The following PTPN21 variants were observed in gnomAD, a reference collection of about 807,000 sequenced individuals.
PTPN21 encodes the protein protein tyrosine phosphatase non-receptor type 21.
Under a neutral mutation model 131.8 loss-of-function variants are expected in PTPN21, and 77 were observed. The observed-to-expected ratio is 0.58, with a 90% CI of 0.49 to 0.71. The LOEUF (loss-of-function observed/expected upper bound fraction) is 0.71. Among genes scored for constraint, PTPN21 ranks in the 30% least tolerant of loss-of-function variants. The pLI is 0.00. For synonymous variants in PTPN21, 715 were observed against 621.3 expected (o/e 1.15, Z -2.24); for missense variants, 1,552 against 1,527.1 (o/e 1.02, Z -0.27).
intron 6 of PTPN21, 68 bp downstream of exon 6, chr14:88,504,357 A>ATTTACATGATTAATATTTAT: frequency 8.4e-7 from 1 of 1,194,992 alleles, no homozygotes; most frequent in Non-Finnish European, 1.2e-6. Flanking sequence ...TAAATATTTA[A>ATTTACATGATTAATATTTAT]TTGAATATTT....
Position 88,479,246 on chromosome 14 carries a change from G to GGGGCGC in PTPN21, c.2184_2185insGCGCCC (p.Ala727_Pro728dup), listed in dbSNP as rs1325850949. On this transcript the variant is annotated inframe_insertion, in exon 13 of 19. Coordinates refer to ENST00000556564, the MANE Select transcript of PTPN21 (RefSeq NM_007039.4). ...GGCCGAGGCTCGCGCGCACGTGCAG[G>GGGGCGC]AGGCGCCCGGGCCCCGCTCTCCTCC... 1 of 1,610,658 alleles carries GGGGCGC rather than the reference G, an allele frequency of 6.2e-7. No individual in the cohort carries two copies.
rs149044111 is a variant in PTPN21 at position 88,479,555 on chromosome 14, C to A, written c.1876G>T (p.Ala626Ser). 1.9e-6 allele frequency: 3 copies of A among 1,598,558 alleles called. No individual in the cohort carries two copies. Among genetic ancestry groups the A allele is most frequent in the Non-Finnish European group, 2.5e-6 (3 of 1,178,638 alleles). Reference protein sequence around the residue: ...SLQEVSEPLTAARHAQLHKRN... With the variant: ...SLQEVSEPLTSARHAQLHKRN... ...TTGTGCAGCTGCGCGTGGCGCGCGG[C>A]GGTGAGGGGCTCGCTGACCTCCTGC... is the stretch of plus-strand genomic sequence containing the variant. Residue 626 changes from alanine (A) to serine (S), a missense_variant, in exon 13 of 19, where the codon GCC (alanine) becomes TCC (serine). Coordinates refer to ENST00000556564, the MANE Select transcript of PTPN21 (RefSeq NM_007039.4).
chr14:88,494,989 G>A (rs1297757898), intron 10 of PTPN21, among the ~76,000 whole-genome samples: 2 of 129,190 alleles, frequency 1.5e-5, no homozygotes, highest in African/African-American at 2.7e-5. Flanking sequence ...CTCCAGCCTG[G>A]GTGACAGAGC....
Position 88,469,828 on chromosome 14 carries a change from C to G in PTPN21, c.3000+94G>C, listed in dbSNP as rs779237298. The stretch of plus-strand genomic sequence containing the variant: ...ATCTGAAACAGAACCACAACCCTAC[C>G]CTGCCTTTTTCTCCACAGGTCAGGA... On this transcript the variant is annotated intron_variant, in intron 16 of 18. Coordinates refer to ENST00000556564, the MANE Select transcript of PTPN21 (RefSeq NM_007039.4). The surrounding 1 kb of genome is among the most constrained non-coding windows in gnomAD (Gnocchi z 4.3). 21 of 1,602,436 alleles carry G rather than the reference C, an allele frequency of 1.3e-5. No homozygotes were observed. Among genetic ancestry groups the G allele is most frequent in the Non-Finnish European group, 1.8e-5 (21 of 1,169,768 alleles).
Position 88,468,095 on chromosome 14 carries a change from TA to T in PTPN21, c.*41del. 1 of 1,608,862 alleles carries T rather than the reference TA, an allele frequency of 6.2e-7. No homozygotes were observed. ...AGGCAAGCGCTTTTTTTTTAAGCTGTAAACGCTTCACATGACTGGCCCCGTA... is the reference window on the plus strand; with the variant it reads ...AGGCAAGCGCTTTTTTTTTAAGCTGTAACGCTTCACATGACTGGCCCCGTA... On this transcript the variant is annotated 3_prime_UTR_variant, in exon 19 of 19. Coordinates refer to ENST00000556564, the MANE Select transcript of PTPN21 (RefSeq NM_007039.4).
chr14:88,534,872 G>A (rs2139345655), intron 2 of PTPN21, among the ~76,000 whole-genome samples: 1 of 152,212 alleles, frequency 6.6e-6, no homozygotes, highest in East Asian at 1.9e-4. Context: ...GTGAGACTCT[G>A]TCTTAAAAAA....
At chr14:88,474,436 C>A (rs1177525583) in intron 13 of PTPN21, among the ~76,000 whole-genome samples, 4 of 152,120 alleles carry the variant, frequency 2.6e-5, no homozygotes, top group African/African-American at 9.7e-5. Flanking sequence ...GCAGTGTTGG[C>A]CTCCCAAAGT....
chr14:88,497,654 C>T (rs920537910), intron 8 of PTPN21, among the ~76,000 whole-genome samples: 3 of 152,012 alleles, frequency 2.0e-5, no homozygotes, highest in Non-Finnish European at 4.4e-5. Context: ...TAGCAGGTAC[C>T]TGTAGGCCCA....
At chr14:88,511,193 A>T (rs61975276) in intron 3 of PTPN21, among the ~76,000 whole-genome samples, 20 of 151,716 alleles carry the variant, frequency 1.3e-4, no homozygotes, top group African/African-American at 4.8e-4. Context: ...TGGGATTACA[A>T]GCATGAGCTA....
Position 88,469,680 on chromosome 14 carries a change from G to T in PTPN21, c.3054C>A (p.His1018Gln). ...TAAACCTTCCATAGGTGACAGTGTT[G>T]TGCCTGGAACCAAGTCGTGGCCAGT... is the stretch of plus-strand genomic sequence containing the variant. ...FRYWPRLGSR[H>Q]NTVTYGRFKI... Residue 1018 changes from histidine to glutamine, a missense_variant, in exon 17 of 19, where the codon CAC (histidine) becomes CAA (glutamine). Around this residue, in one of 4 missense-constraint regions of PTPN21, gnomAD observed 316 missense variants for 378.5 expected, o/e 0.83. Coordinates refer to ENST00000556564, the MANE Select transcript of PTPN21 (RefSeq NM_007039.4). The surrounding 1 kb of genome is among the most constrained non-coding windows in gnomAD (Gnocchi z 4.3). 4.3e-6 allele frequency: 7 copies of T among 1,614,150 alleles called. No homozygotes were observed. The Admixed American group carries it at 1.2e-4, about 27-fold the overall frequency.
At chr14:88,554,273 C>T (rs1427172228) in intron 1 of PTPN21, among the ~76,000 whole-genome samples, 1 of 152,146 alleles carries the variant, frequency 6.6e-6, no homozygotes, top group African/African-American at 2.4e-5. Context: ...AAAAACAAAC[C>T]CAGGCGTTAC....
intron 14 of PTPN21, among the ~76,000 whole-genome samples, chr14:88,472,850 A>T (rs1324301042): frequency 1.3e-5 from 2 of 152,176 alleles, no homozygotes; most frequent in Admixed American, 1.3e-4. Context: ...ACCAAACCAA[A>T]ACCAAAACAG....
chr14:88,521,530 G>A (rs1195859511), intron 2 of PTPN21, among the ~76,000 whole-genome samples: 1 of 149,154 alleles, frequency 6.7e-6, no homozygotes, highest in African/African-American at 2.5e-5. Flanking sequence ...AGCCTCCCAA[G>A]TAGCTAGGAT....
chr14:88,467,404 T>C lies in PTPN21; in HGVS notation c.*733A>G, dbSNP rs1249774066. On this transcript the variant is annotated 3_prime_UTR_variant, in exon 19 of 19. Transcript: ENST00000556564. Reference sequence around the variant, plus strand: ...GCTTATTCTCTTACATTTTAAATAATGTGCCTTCATCCTCAACTTTACATT... The same window carrying C: ...GCTTATTCTCTTACATTTTAAATAACGTGCCTTCATCCTCAACTTTACATT... 6.6e-6 allele frequency: 1 copy of C among 152,246 alleles called. No individual in the cohort carries two copies. Among genetic ancestry groups the C allele is most frequent in the South Asian group, 2.1e-4 (1 of 4,832 alleles). 9.4% of individuals were successfully genotyped at this position (152,246 alleles called of 1,614,324 possible).
intron 15 of PTPN21, among the ~76,000 whole-genome samples, chr14:88,470,694 C>G (rs1426795559): frequency 1.3e-5 from 2 of 152,252 alleles, no homozygotes; most frequent in Non-Finnish European, 2.9e-5. Flanking sequence ...CACACGCACT[C>G]TCACTCAGGG....
At position 88,479,475 on chromosome 14, in the gene PTPN21, G is replaced by A; in HGVS notation, c.1956C>T (p.Leu652=). 6.2e-7 allele frequency: 1 copy of A among 1,602,280 alleles called. No homozygotes were observed. Among genetic ancestry groups the A allele is most frequent in the Non-Finnish European group, 8.5e-7 (1 of 1,179,104 alleles). The change falls in exon 13 of 19, where the codon CTC becomes CTT. Residue 652 remains leucine (L), a synonymous_variant. Transcript: ENST00000556564. The part of the protein sequence containing the change: ...GLSHGLEGLR[L]KERTLSASAA... Reference sequence around the variant, plus strand: ...CCGACGCGGATAGGGTGCGCTCCTTGAGCCGCAGGCCCTCCAGGCCGTGGC... The same window carrying A: ...CCGACGCGGATAGGGTGCGCTCCTTAAGCCGCAGGCCCTCCAGGCCGTGGC...
chr14:88,551,491 G>T (rs1323777209), intron 1 of PTPN21: 1 of 152,220 alleles, frequency 6.6e-6, no homozygotes, highest in East Asian at 1.9e-4. Context: ...CCAACCAGTA[G>T]ACTCGGAGGC....
chr14:88,510,962 G>C (rs1233914021), intron 3 of PTPN21, among the ~76,000 whole-genome samples: 1 of 151,626 alleles, frequency 6.6e-6, no homozygotes, highest in African/African-American at 2.4e-5. Context: ...GCCCAGGCTG[G>C]AGTGCAATGG....
At position 88,468,164 on chromosome 14, in the gene PTPN21, C is replaced by T. The variant is rs2077394340; in HGVS notation, c.3498G>A (p.Gln1166=). The change falls in exon 19 of 19, where the codon CAG becomes CAA. Residue 1166 remains glutamine, a synonymous_variant. Coordinates refer to ENST00000556564, the MANE Select transcript of PTPN21 (RefSeq NM_007039.4). ...QYTFVYRVLI[Q]FLKSSRLI is the part of the protein sequence containing the mutation. ...AGATGAGCCTGGAGCTTTTCAGGAA[C>T]TGGATGAGGACTCTGTACACAAATG... 1 of 1,613,916 alleles carries T rather than the reference C, an allele frequency of 6.2e-7. No homozygotes were observed. The highest frequency in any genetic ancestry group is 8.5e-7 in the Non-Finnish European group (1 of 1,179,802).
Sources: gnomAD v4.1 joint callset for allele counts (sites outside exome capture counted in the v4.1 genomes callset) on GRCh38, gnomAD v4.1.1 for gene constraint, gnomAD v4.1.1 regional missense constraint, Gnocchi (gnomAD v3.1) non-coding constraint, MANE v1.5 for transcripts, NCBI Gene and HGNC (gene_info 2026-07-23, HGNC 2026-07-21) for gene names.